PCDH11Y: variants seen among roughly 807,000 people sequenced by gnomAD.
The protein encoded by PCDH11Y is protocadherin 11 Y-linked.
For missense variants in PCDH11Y, 12 were observed against 224.8 expected (o/e 0.05, Z 6.05); for synonymous variants, 9 against 83.6 (o/e 0.11, Z 4.87).
downstream of PCDH11Y, among the ~76,000 whole-genome samples, chrY:5,108,665 C>T (rs34097632): frequency 0.013 from 333 of 25,829 alleles, no homozygotes; most frequent in Middle Eastern, 0.021. Context: ...GAGAATGGCA[C>T]GAACCCGGGA....
intron 2 of PCDH11Y, among the ~76,000 whole-genome samples, chrY:5,290,040 AC>A: frequency 3.1e-5 from 1 of 32,425 alleles, no homozygotes; most frequent in East Asian, 8.2e-4. Flanking sequence ...GAACCTCCAA[AC>A]TTTTCTTCAT....
At chrY:5,073,469 T>C in intron 1 of PCDH11Y, among the ~76,000 whole-genome samples, 1 of 29,789 alleles carries the variant, frequency 3.4e-5, no homozygotes, top group Non-Finnish European at 8.1e-5. Flanking sequence ...GGAGTTTCAC[T>C]CTTGTTGCCC....
intron 2 of PCDH11Y, among the ~76,000 whole-genome samples, chrY:5,396,760 A>AT (rs2053227715): frequency 3.2e-5 from 1 of 31,404 alleles, no homozygotes; most frequent in African/African-American, 1.3e-4. Context: ...GCAAAAAATG[A>AT]TTTTTTTTTC....
At chrY:5,340,784 T>C in intron 2 of PCDH11Y, among the ~76,000 whole-genome samples, 3 of 34,043 alleles carry the variant, frequency 8.8e-5, no homozygotes, top group Non-Finnish European at 1.5e-4. Flanking sequence ...AGGTATGTTT[T>C]ATTAAATAGC....
chrY:5,385,142 T>TC (rs2053211678), intron 2 of PCDH11Y, among the ~76,000 whole-genome samples: 1 of 26,590 alleles, frequency 3.8e-5, no homozygotes, highest in Non-Finnish European at 8.8e-5. Flanking sequence ...TTTTTTTTTT[T>TC]TTTTTTTTTT....
At chrY:5,502,525 A>T in intron 3 of PCDH11Y, among the ~76,000 whole-genome samples, 6 of 30,133 alleles carry the variant, frequency 2.0e-4, no homozygotes, top group Non-Finnish European at 3.2e-4. Context: ...AAATTCCCCT[A>T]TACCTTGTGT....
At chrY:5,206,141 A>G in intron 2 of PCDH11Y, among the ~76,000 whole-genome samples, 2 of 33,378 alleles carry the variant, frequency 6.0e-5, no homozygotes, top group Non-Finnish European at 1.5e-4. Context: ...AACCTTTTAT[A>G]CCACTGTATT....
At chrY:5,595,243 T>G in intron 4 of PCDH11Y, among the ~76,000 whole-genome samples, 1 of 23,547 alleles carries the variant, frequency 4.2e-5, no homozygotes, top group Non-Finnish European at 9.8e-5. Flanking sequence ...GATCCCTCAG[T>G]GGCAGCCGTT....
chrY:5,262,936 G>C, intron 2 of PCDH11Y, among the ~76,000 whole-genome samples: 6 of 33,055 alleles, frequency 1.8e-4, no homozygotes, highest in Admixed American at 2.7e-4. Context: ...AGTCCCAGGA[G>C]CTCCAGCCAT....
intron 1 of PCDH11Y, among the ~76,000 whole-genome samples, chrY:5,060,589 A>G (rs2124628785): frequency 3.4e-5 from 1 of 29,250 alleles, no homozygotes; most frequent in African/African-American, 1.3e-4. Context: ...TATGCTTATC[A>G]TCATATGACT....
chrY:5,108,664 A>G (rs1168666607), downstream of PCDH11Y, among the ~76,000 whole-genome samples: 332 of 27,202 alleles, frequency 0.012, no homozygotes, highest in Middle Eastern at 0.02. Context: ...GGAGAATGGC[A>G]CGAACCCGGG....
At chrY:5,019,311 C>T (rs2124619509) in intron 1 of PCDH11Y, 7 of 33,165 alleles carry the variant, frequency 2.1e-4, no homozygotes, top group African/African-American at 8.3e-4. Flanking sequence ...TTGGCTCACG[C>T]CTGTAATCCC....
In PCDH11Y at chrY:5,260,750, T is replaced by A. The variant is rs1291790812; in HGVS notation, c.3129+160043T>A. On this transcript the variant is annotated intron_variant, in intron 2 of 4. Transcript: ENST00000400457. ...GGTGAGAATATGTTTTCCTGGAGGTTACTGATGCTCGTAGATGTTTGTTTA... is the reference window on the plus strand; with the variant it reads ...GGTGAGAATATGTTTTCCTGGAGGTAACTGATGCTCGTAGATGTTTGTTTA... Among the ~76,000 whole-genome samples, 41 of 29,502 alleles carry A rather than the reference T, an allele frequency of 1.4e-3. No homozygotes were observed. In the East Asian group the frequency reaches 0.032, roughly 23 times the overall value. The allele number at this position is 29,502 out of a possible 37,273, so 79.2% of individuals were successfully genotyped here.
chrY:5,032,605 A>G, intron 2 of PCDH11Y: 1 of 291,187 alleles, frequency 3.4e-6, no homozygotes, highest in African/African-American at 7.5e-5. Context: ...GTTTAAACTG[A>G]TTACAATGTA....
intron 2 of PCDH11Y, among the ~76,000 whole-genome samples, chrY:5,130,505 TATCTC>T (rs2052832352): frequency 1.2e-4 from 4 of 33,269 alleles, no homozygotes; most frequent in Non-Finnish European, 3.0e-4. Flanking sequence ...ATTTGAAAAA[TATCTC>T]AACATCACTG....
chrY:5,597,446 T>C (rs2053468803), intron 4 of PCDH11Y, among the ~76,000 whole-genome samples: 1 of 27,623 alleles, frequency 3.6e-5, no homozygotes, highest in Non-Finnish European at 8.5e-5. Flanking sequence ...CTACTTTTAG[T>C]TCTTTAAGAC....
intron 4 of PCDH11Y, among the ~76,000 whole-genome samples, chrY:5,588,956 T>A (rs2124698176): frequency 3.0e-5 from 1 of 33,016 alleles, no homozygotes; most frequent in African/African-American, 1.2e-4. Context: ...CTCTACCTCC[T>A]CTTTAAGGCC....
At chrY:5,407,661 C>T in intron 2 of PCDH11Y, among the ~76,000 whole-genome samples, 1 of 32,406 alleles carries the variant, frequency 3.1e-5, no homozygotes, top group South Asian at 6.9e-4. Context: ...GGCCTGTAAT[C>T]CCAGCACTTT....
intron 2 of PCDH11Y, among the ~76,000 whole-genome samples, chrY:5,385,129 C>CT (rs1274959418): frequency 7.3e-4 from 7 of 9,548 alleles, no homozygotes; most frequent in East Asian, 2.2e-3. Flanking sequence ...TACTGGCCAG[C>CT]TTTTTTTTTT....
Sources: gnomAD v4.1 joint callset for allele counts (sites outside exome capture counted in the v4.1 genomes callset) on GRCh38, gnomAD v4.1.1 for gene constraint, MANE v1.5 for transcripts, NCBI Gene and HGNC (gene_info 2026-07-23, HGNC 2026-07-21) for gene names.